Variants in ZNF423 observed in about 807,000 individuals in gnomAD.
ZNF423 encodes the protein Ebf-associated zinc finger protein.
Under a neutral mutation model 95.8 loss-of-function variants are expected in ZNF423, and 12 were observed. The observed-to-expected ratio is 0.13, with a 90% CI of 0.08 to 0.20. ZNF423 has a LOEUF of 0.20. ZNF423 is among the 10% of genes least tolerant of loss of function. ZNF423 has a pLI of 1.00. For synonymous variants in ZNF423, 749 were observed against 711.9 expected (o/e 1.05, Z -0.83); for missense variants, 1,316 against 1,737.1 (o/e 0.76, Z 4.31).
chr16:49,660,387 CGAAT>C (rs34713592), intron 3 of ZNF423, among the ~76,000 whole-genome samples: 52,524 of 151,296 alleles, frequency 0.35, 9,224 homozygotes, highest in South Asian at 0.51. Flanking sequence ...AATGAGAAAA[CGAAT>C]GAATGAATGA....
intron 1 of ZNF423, among the ~76,000 whole-genome samples, chr16:49,832,906 T>C (rs951081880): frequency 6.6e-6 from 1 of 152,226 alleles, no homozygotes; most frequent in Non-Finnish European, 1.5e-5. Context: ...AGAACTCCGA[T>C]TTTTTTCTGT....
At chr16:49,693,246 G>T (rs1001953142) in intron 3 of ZNF423, among the ~76,000 whole-genome samples, 2 of 152,062 alleles carry the variant, frequency 1.3e-5, no homozygotes, top group African/African-American at 4.8e-5. Context: ...TAATAATAGG[G>T]GTCCACAGAA....
intron 5 of ZNF423, among the ~76,000 whole-genome samples, chr16:49,551,935 G>A (rs1969655501): frequency 6.6e-6 from 1 of 152,220 alleles, no homozygotes; most frequent in Admixed American, 6.5e-5. Context: ...ACTCAAATCT[G>A]TGGTTCTGTT....
chr16:49,495,272 C>T (rs936759366), intron 7 of ZNF423, among the ~76,000 whole-genome samples: 51 of 152,322 alleles, frequency 3.3e-4, no homozygotes, highest in Admixed American at 3.1e-3. Flanking sequence ...TCTGGTACAG[C>T]CTGTTTTGGG....
chr16:49,686,524 C>T (rs1451553644), intron 3 of ZNF423, among the ~76,000 whole-genome samples: 2 of 152,282 alleles, frequency 1.3e-5, no homozygotes, highest in Non-Finnish European at 2.9e-5. Flanking sequence ...CACAGGCCTG[C>T]GTACGCCCCA....
intron 7 of ZNF423, among the ~76,000 whole-genome samples, chr16:49,519,721 A>C (rs1397352979): frequency 6.6e-6 from 1 of 152,170 alleles, no homozygotes; most frequent in Non-Finnish European, 1.5e-5. Context: ...AACTTCTTAC[A>C]TTTTGATTCA....
rs57175853 is a variant in ZNF423 at position 49,792,018 on chromosome 16, A to AAAAAAG, written c.41-2473_41-2472insCTTTTT. On this transcript the variant is annotated intron_variant, in intron 1 of 7. Transcript: ENST00000563137. ...ACTCCATCTCAAAAAAAAAAAAAAA[A>AAAAAAG]AAAGAAAGAAAGTGGATCGGTGGTT... Among the ~76,000 whole-genome samples, 434 of 138,212 alleles carry AAAAAAG rather than the reference A, an allele frequency of 3.1e-3. 4 individuals are homozygous for AAAAAAG. The highest frequency in any genetic ancestry group is 0.011 in the East Asian group (49 of 4,592). The allele number at this position is 138,212 out of a possible 152,430, so 90.7% of individuals were successfully genotyped here. A position where few individuals can be genotyped will look rare whatever the true frequency, so the allele number is the denominator to read the frequency against.
intron 5 of ZNF423, among the ~76,000 whole-genome samples, chr16:49,533,630 G>A (rs192224397): frequency 5.1e-4 from 77 of 152,306 alleles, no homozygotes; most frequent in African/African-American, 1.8e-3. Context: ...GGACAGCTCA[G>A]CGGACGGCCC....
At chr16:49,507,141 T>A (rs1045112180) in intron 7 of ZNF423, among the ~76,000 whole-genome samples, 1 of 152,196 alleles carries the variant, frequency 6.6e-6, no homozygotes, top group Admixed American at 6.5e-5. Flanking sequence ...GTAAGACTAA[T>A]AATATCTACC....
intron 1 of ZNF423, among the ~76,000 whole-genome samples, chr16:49,827,335 C>G (rs1567362104): frequency 6.6e-6 from 1 of 151,944 alleles, no homozygotes; most frequent in African/African-American, 2.4e-5. Flanking sequence ...GCCCTCGTCT[C>G]TGACAAACTG....
In ZNF423 at chr16:49,635,556, C is replaced by T. The variant is rs542577785; in HGVS notation, c.3516+104G>A. On this transcript the variant is annotated intron_variant, in intron 4 of 7. Coordinates refer to ENST00000563137, the MANE Select transcript of ZNF423 (RefSeq NM_001379286.1). The surrounding 1 kb of genome is among the most constrained non-coding windows in gnomAD (Gnocchi z 4.8). Reference sequence around the variant, plus strand: ...GTTCTGTTTTGCCACTGCGCGATAGCGCCGCTTCTTGGAAACACGGCACTC... The same window carrying T: ...GTTCTGTTTTGCCACTGCGCGATAGTGCCGCTTCTTGGAAACACGGCACTC... 11 of 1,436,038 alleles carry T rather than the reference C, an allele frequency of 7.7e-6. No individual in the cohort carries two copies. The highest frequency in any genetic ancestry group is 3.0e-5 in the South Asian group (2 of 66,748). The allele number at this position is 1,436,038 out of a possible 1,614,324, so 89.0% of individuals were successfully genotyped here.
intron 2 of ZNF423, among the ~76,000 whole-genome samples, chr16:49,764,871 C>T (rs1018345892): frequency 6.6e-6 from 1 of 152,038 alleles, no homozygotes; most frequent in Non-Finnish European, 1.5e-5. Flanking sequence ...CTCAGCCTCC[C>T]CCAGTAGCTG....
chr16:49,523,477 C>G, intron 7 of ZNF423, 147 bp downstream of exon 7: 1 of 665,488 alleles, frequency 1.5e-6, no homozygotes, highest in South Asian at 1.9e-5. Flanking sequence ...GGCTGAAACT[C>G]CATGCCTGCT....
intron 2 of ZNF423, among the ~76,000 whole-genome samples, chr16:49,784,949 CAAA>C (rs527345600): frequency 1.3e-4 from 8 of 62,934 alleles, no homozygotes; most frequent in Admixed American, 1.8e-4. Context: ...GACTCTGTCT[CAAA>C]AAAAAAAAAA....
chr16:49,512,231 T>C lies in ZNF423; in HGVS notation c.3849+11393A>G, dbSNP rs148002017. ...GCTTAGTAAACACTTGCAGGCTAGA[T>C]TGAGCACGTCCACACATGATTGATT... On this transcript the variant is annotated intron_variant, in intron 7 of 7. Coordinates refer to ENST00000563137, the MANE Select transcript of ZNF423 (RefSeq NM_001379286.1). 5.2e-3 allele frequency among the ~76,000 whole-genome samples: 796 copies of C among 152,258 alleles called. 3 individuals carry two copies. Among genetic ancestry groups the C allele is most frequent in the South Asian group, 0.015 (74 of 4,820 alleles).
intron 1 of ZNF423, among the ~76,000 whole-genome samples, chr16:49,837,962 CT>C (rs1358534238): frequency 6.6e-6 from 1 of 152,220 alleles, no homozygotes. Flanking sequence ...GCTGCTCACT[CT>C]TTATTGTCTG....
At chr16:49,702,061 C>T (rs2032199406) in intron 3 of ZNF423, among the ~76,000 whole-genome samples, 1 of 152,190 alleles carries the variant, frequency 6.6e-6, no homozygotes, top group Non-Finnish European at 1.5e-5. Flanking sequence ...GAAATGTAGG[C>T]ATTGTAAAAG....
intron 5 of ZNF423, among the ~76,000 whole-genome samples, chr16:49,607,652 A>C (rs376839981): frequency 2.0e-5 from 3 of 152,248 alleles, no homozygotes; most frequent in African/African-American, 7.2e-5. Flanking sequence ...TAATAGGCCC[A>C]TAATTAATTC....
In ZNF423 at chr16:49,636,063, G is replaced by C. The variant is rs1972687169; in HGVS notation, c.3113C>G (p.Thr1038Ser). ...ATGGATCTTGAGCTCAAGCGTGGAA[G>C]TGACTGTCTGCATGCAGACCACACA... is the stretch of plus-strand genomic sequence containing the variant. ...FRCVVCMQTV[T>S]STLELKIHGT... The change falls in exon 4 of 8, where the codon ACT becomes AGT. Residue 1038 changes from threonine to serine, a missense_variant. This residue lies in a region of ZNF423 where 620 missense variants were observed against 775.6 expected (regional missense o/e 0.80). Transcript: ENST00000563137. The surrounding 1 kb of genome is among the most constrained non-coding windows in gnomAD (Gnocchi z 8.6). 1 of 1,613,846 alleles carries C rather than the reference G, an allele frequency of 6.2e-7. No individual in the cohort carries two copies. The highest frequency in any genetic ancestry group is 8.5e-7 in the Non-Finnish European group (1 of 1,179,854).
Sources: allele counts gnomAD v4.1 joint callset (sites outside exome capture counted in the v4.1 genomes callset), GRCh38; gene constraint gnomAD v4.1.1; regional missense constraint gnomAD v4.1.1; non-coding constraint Gnocchi (gnomAD v3.1); transcripts MANE v1.5; gene names NCBI Gene and HGNC (gene_info 2026-07-23, HGNC 2026-07-21).